The following PKHD1L1 variants were observed in gnomAD, a reference collection of about 807,000 sequenced individuals.
PKHD1L1 encodes fibrocystin-L.
PKHD1L1 carries 434 observed loss-of-function variants against 462.9 expected under a neutral mutation model. The observed-to-expected ratio is 0.94, with a 90% CI of 0.87 to 1.02. The LOEUF (loss-of-function observed/expected upper bound fraction) is 1.02, where lower values mean the gene tolerates loss of function less well. Ranked by LOEUF, PKHD1L1 falls within the 50% of genes least tolerant of loss-of-function variation. The pLI, the probability that PKHD1L1 is intolerant of heterozygous loss-of-function variation, is 0.00. For missense variants in PKHD1L1, 5,202 were observed against 5,096.1 expected, an observed-to-expected ratio of 1.02 and a Z score of -0.63; for synonymous variants, 1,781 against 1,750.0, an observed-to-expected ratio of 1.02 and a Z score of -0.44.
chr8:109,502,354 T>G (rs1272838929), intron 67 of PKHD1L1, among the ~76,000 whole-genome samples: 1 of 152,174 alleles, frequency 6.6e-6, no homozygotes, highest in Non-Finnish European at 1.5e-5. Flanking sequence ...AAGATTTGTC[T>G]TGTAAGGCTC....
At chr8:109,395,285 T>A (rs1201835247) in intron 10 of PKHD1L1, among the ~76,000 whole-genome samples, 1 of 152,180 alleles carries the variant, frequency 6.6e-6, no homozygotes, top group African/African-American at 2.4e-5. Context: ...GGTTTCAGGT[T>A]GATAGTATCC....
chr8:109,478,501 G>A (rs914870263), intron 53 of PKHD1L1, among the ~76,000 whole-genome samples: 2 of 152,034 alleles, frequency 1.3e-5, no homozygotes, highest in African/African-American at 4.8e-5. Context: ...CTTTGGGTGG[G>A]GTGGTTAGGA....
intron 19 of PKHD1L1, among the ~76,000 whole-genome samples, chr8:109,410,245 GTGTTT>G (rs1296773818): frequency 1.3e-5 from 2 of 152,180 alleles, no homozygotes; most frequent in East Asian, 3.8e-4. Flanking sequence ...AAGATTTGCA[GTGTTT>G]TTGTTTATTT....
chr8:109,403,868 G>A (rs1300319155), intron 14 of PKHD1L1, among the ~76,000 whole-genome samples: 1 of 152,158 alleles, frequency 6.6e-6, no homozygotes, highest in Non-Finnish European at 1.5e-5. Context: ...TGGTGACATT[G>A]CTAGAGATTT....
intron 2 of PKHD1L1, 41 bp from the exon 3 acceptor site, chr8:109,381,329 A>G (rs529260063): frequency 6.7e-7 from 1 of 1,494,358 alleles, no homozygotes; most frequent in African/African-American, 1.4e-5. Context: ...CTCTGAAGAT[A>G]GAATACCATT....
chr8:109,435,681 A>C (rs906222603), intron 29 of PKHD1L1, among the ~76,000 whole-genome samples: 2 of 152,212 alleles, frequency 1.3e-5, no homozygotes, highest in African/African-American at 2.4e-5. Context: ...TTCGTTTGTA[A>C]CCACAGTCTC....
chr8:109,438,273 T>C, intron 30 of PKHD1L1, 51 bp from the exon 31 acceptor site: 1 of 1,302,044 alleles, frequency 7.7e-7, no homozygotes, highest in East Asian at 2.7e-5. Context: ...ATCCCTTGCA[T>C]TTCTGTATCT....
Position 109,461,859 on chromosome 8 carries a change from C to T in PKHD1L1, c.7334C>T (p.Ala2445Val). ...DQFGGCVMFH[A>V]PVPGANMVTG... ...TTTGGAGGCTGCGTTATGTTTCATG[C>T]TCCTGTACCTGGTGCTAACATGGTA... The change falls in exon 48 of 78, where the codon GCT becomes GTT. Residue 2445 changes from alanine to valine, a missense_variant. Ala to Val is a moderately conservative substitution (Grantham distance 64). This residue lies in a region of PKHD1L1 where 4,497 missense variants were observed against 4,336.8 expected (regional missense o/e 1.04). Coordinates refer to ENST00000378402, the MANE Select transcript of PKHD1L1 (RefSeq NM_177531.6). The T allele has an allele frequency of 5.6e-6, 9 of 1,605,414 alleles. No homozygotes were observed. The highest frequency in any genetic ancestry group is 1.7e-4 in the Middle Eastern group (1 of 6,046).
At chr8:109,363,914 C>T (rs1811100921) in intron 1 of PKHD1L1, among the ~76,000 whole-genome samples, 1 of 152,124 alleles carries the variant, frequency 6.6e-6, no homozygotes, top group Non-Finnish European at 1.5e-5. Flanking sequence ...CTAACCTAAG[C>T]CTTTGGAAAG....
Position 109,459,755 on chromosome 8 carries a change from A to C in PKHD1L1, c.7165A>C (p.Thr2389Pro), listed in dbSNP as rs1345434127. Reference protein sequence around the residue: ...FEARAEVGILTRNILIRGSDN... With the variant: ...FEARAEVGILPRNILIRGSDN... ...AGCAAGAGCAGAAGTTGGAATTCTT[A>C]CAAGAAATATTTTAATAAGAGGATC... Residue 2389 changes from threonine to proline, a missense_variant, in exon 47 of 78, where the codon ACA (threonine) becomes CCA (proline). Thr to Pro is a conservative substitution (Grantham distance 38). Transcript: ENST00000378402. 6.2e-7 allele frequency: 1 copy of C among 1,611,734 alleles called. No homozygotes were observed. The highest frequency in any genetic ancestry group is 1.3e-5 in the African/African-American group (1 of 74,958).
At chr8:109,522,682 T>C in intron 74 of PKHD1L1, 62 bp from the exon 75 acceptor site, 1 of 1,455,786 alleles carries the variant, frequency 6.9e-7, no homozygotes, top group Non-Finnish European at 9.2e-7. Flanking sequence ...CTGGCTAAAA[T>C]GAGTTTGCTG....
intron 2 of PKHD1L1, among the ~76,000 whole-genome samples, chr8:109,369,432 A>T (rs749531726): frequency 2.0e-4 from 31 of 152,246 alleles, no homozygotes; most frequent in Non-Finnish European, 3.8e-4. Flanking sequence ...GATTTGGTTC[A>T]TTATTTTCCC....
chr8:109,402,088 A>C (rs1386017689), intron 14 of PKHD1L1, among the ~76,000 whole-genome samples: 1 of 152,208 alleles, frequency 6.6e-6, no homozygotes, highest in Non-Finnish European at 1.5e-5. Context: ...TGAAAGGTCA[A>C]GTCCAAGGAG....
intron 28 of PKHD1L1, 78 bp from the exon 29 acceptor site, chr8:109,435,112 A>T: frequency 6.9e-7 from 1 of 1,448,438 alleles, no homozygotes; most frequent in Non-Finnish European, 9.5e-7. Context: ...GGCCAATGTT[A>T]GTATTTGCAA....
At chr8:109,367,023 T>C (rs561220764) in intron 2 of PKHD1L1, among the ~76,000 whole-genome samples, 2 of 152,322 alleles carry the variant, frequency 1.3e-5, no homozygotes, top group South Asian at 4.1e-4. Flanking sequence ...TATACTTATA[T>C]CCAAGCTCAT....
intron 68 of PKHD1L1, 142 bp downstream of exon 68, chr8:109,504,634 CCAT>C: frequency 3.9e-6 from 2 of 508,024 alleles, no homozygotes; most frequent in Middle Eastern, 9.2e-4. Context: ...AAAATTAAGA[CCAT>C]TTAATAATGT....
At position 109,412,427 on chromosome 8, in the gene PKHD1L1, A is replaced by C; in HGVS notation, c.2235+13A>C. 3 of 1,589,808 alleles carry C rather than the reference A, an allele frequency of 1.9e-6. No individual in the cohort carries two copies. ...TCCTTATAATCAGGTAAGCTCAACA[A>C]AATGATATGCTAATTGAATCTGGAA... is the stretch of plus-strand genomic sequence containing the variant. On this transcript the variant is annotated intron_variant, in intron 20 of 77. Coordinates refer to ENST00000378402, the MANE Select transcript of PKHD1L1 (RefSeq NM_177531.6).
chr8:109,519,082 T>C (rs1820420098), intron 73 of PKHD1L1, among the ~76,000 whole-genome samples: 1 of 152,058 alleles, frequency 6.6e-6, no homozygotes, highest in Non-Finnish European at 1.5e-5. Context: ...AGTAGATTGG[T>C]GGGTTAGATT....
chr8:109,487,395 C>A (rs1818581990), intron 59 of PKHD1L1, among the ~76,000 whole-genome samples: 1 of 151,858 alleles, frequency 6.6e-6, no homozygotes, highest in South Asian at 2.1e-4. Context: ...ATAATAATTT[C>A]TTATCATCAA....
Sources: allele counts gnomAD v4.1 joint callset (sites outside exome capture counted in the v4.1 genomes callset), GRCh38; gene constraint gnomAD v4.1.1; regional missense constraint gnomAD v4.1.1; transcripts MANE v1.5; gene names NCBI Gene and HGNC (gene_info 2026-07-23, HGNC 2026-07-21).